RESF1: variants seen among roughly 807,000 people sequenced by gnomAD.
RESF1 encodes the protein gonad expressed transcript.
In RESF1, 65 loss-of-function variants were observed where a neutral mutation model predicts 134.7. That is an observed-to-expected ratio of 0.48 (90% CI 0.40 to 0.59). The LOEUF is 0.59. Ranked by LOEUF, RESF1 falls within the 20% of genes least tolerant of loss-of-function variation. The pLI is 0.00. For synonymous variants in RESF1, 762 were observed against 702.2 expected, an observed-to-expected ratio of 1.09 and a Z score of -1.35; for missense variants, 2,274 against 2,002.7, an observed-to-expected ratio of 1.14 and a Z score of -2.59.
At chr12:31,968,676 C>T (rs1939449281) in intron 2 of RESF1, among the ~76,000 whole-genome samples, 1 of 152,066 alleles carries the variant, frequency 6.6e-6, no homozygotes, top group South Asian at 2.1e-4. Flanking sequence ...TCTCGATCTC[C>T]TGACCTCGTG....
intron 3 of RESF1, among the ~76,000 whole-genome samples, chr12:31,974,000 A>G (rs751901400): frequency 6.6e-6 from 1 of 152,130 alleles, no homozygotes; most frequent in Non-Finnish European, 1.5e-5. Context: ...AACCTGTTAC[A>G]AAGAGGGGAT....
At position 31,981,508 on chromosome 12, in the gene RESF1, G is replaced by A. The variant is rs1939791295; in HGVS notation, c.553G>A (p.Gly185Arg). The change falls in exon 4 of 6, where the codon GGA (glycine) becomes AGA (arginine). Residue 185 changes from glycine to arginine, a missense_variant. By Grantham distance (125) the Gly-to-Arg change is moderately radical. Coordinates refer to ENST00000312561, the MANE Select transcript of RESF1 (RefSeq NM_018169.4). ...RLPVAYQGNQ[G>R]LNQSFSEQQV... Reference sequence around the variant, plus strand: ...TCCTGTAGCTTACCAAGGAAATCAGGGACTTAACCAGTCTTTTTCAGAGCA... The same window carrying A: ...TCCTGTAGCTTACCAAGGAAATCAGAGACTTAACCAGTCTTTTTCAGAGCA... 1 of 1,613,784 alleles carries A rather than the reference G, an allele frequency of 6.2e-7. No homozygotes were observed. The highest frequency in any genetic ancestry group is 1.7e-5 in the Admixed American group (1 of 59,984).
intron 5 of RESF1, 38 bp downstream of exon 5, chr12:31,987,360 C>A: frequency 1.8e-6 from 2 of 1,119,114 alleles, no homozygotes; most frequent in Non-Finnish European, 2.7e-6. Context: ...CACTTATCTC[C>A]CTATCTGGTA....
intron 2 of RESF1, among the ~76,000 whole-genome samples, chr12:31,965,060 G>A (rs1939367320): frequency 1.3e-5 from 2 of 151,960 alleles, no homozygotes; most frequent in Admixed American, 6.6e-5. Flanking sequence ...CTCCGCTTCC[G>A]ATTCTTCTGC....
At chr12:31,987,121 TGTG>T (rs1939990607) in intron 4 of RESF1, 115 bp from the exon 5 acceptor site, 3 of 609,852 alleles carry the variant, frequency 4.9e-6, no homozygotes, top group Non-Finnish European at 8.8e-6. Context: ...TTGTGTTACA[TGTG>T]GTTATATCTA....
chr12:31,979,087 A>AT (rs1939709107), intron 3 of RESF1, among the ~76,000 whole-genome samples: 1 of 149,462 alleles, frequency 6.7e-6, no homozygotes, highest in Admixed American at 6.7e-5. Context: ...CACCTGGCTA[A>AT]TTTTTTGTAT....
chr12:31,987,719 C>CTATTTATT (rs72099377), intron 5 of RESF1, among the ~76,000 whole-genome samples: 72 of 147,864 alleles, frequency 4.9e-4, no homozygotes, highest in Non-Finnish European at 6.4e-4. Flanking sequence ...TTCTGATTAA[C>CTATTTATT]TATTTATTTA....
At chr12:31,974,867 G>A (rs1377211769) in intron 3 of RESF1, among the ~76,000 whole-genome samples, 1 of 151,730 alleles carries the variant, frequency 6.6e-6, no homozygotes, top group East Asian at 1.9e-4. Context: ...AAAGTAGTGA[G>A]AGGAACAGAG....
Position 31,983,048 on chromosome 12 carries a change from C to T in RESF1, c.2093C>T (p.Thr698Ile). ...GAAAAGGAGTGTGATAAACTCAGAA[C>T]AAACACAACAGCAGTTGGAATTTCA... is the stretch of plus-strand genomic sequence containing the variant. ...AKEKECDKLR[T>I]NTTAVGISKP... Residue 698 changes from threonine to isoleucine, a missense_variant, in exon 4 of 6, where the codon ACA becomes ATA. Transcript: ENST00000312561. 6.2e-7 allele frequency: 1 copy of T among 1,613,960 alleles called. No individual in the cohort carries two copies. Among genetic ancestry groups the T allele is most frequent in the Non-Finnish European group, 8.5e-7 (1 of 1,180,004 alleles).
Position 31,963,932 on chromosome 12 carries a change from A to G in RESF1, c.-247+3061A>G, listed in dbSNP as rs79166176. On this transcript the variant is annotated intron_variant, in intron 2 of 5. Transcript: ENST00000312561. ...TGCCACTTTTGCTTATTCTTCCATC[A>G]GTTAACAGACGTTTGACACGTTTTC... is the stretch of plus-strand genomic sequence containing the variant. Among the ~76,000 whole-genome samples the G allele has an allele frequency of 5.4e-3, 824 of 152,292 alleles. 9 individuals are homozygous for G. The highest frequency in any genetic ancestry group is 0.018 in the African/African-American group (764 of 41,548).
chr12:31,968,989 G>C (rs914124695), intron 2 of RESF1, among the ~76,000 whole-genome samples: 2 of 152,094 alleles, frequency 1.3e-5, no homozygotes, highest in African/African-American at 4.8e-5. Flanking sequence ...CATCCAGGCT[G>C]GAGTACAGTG....
chr12:31,960,594 A>G (rs1403365103), intron 1 of RESF1, among the ~76,000 whole-genome samples, 183 bp from the exon 2 acceptor site: 1 of 152,216 alleles, frequency 6.6e-6, no homozygotes, highest in East Asian at 1.9e-4. Context: ...ACTTAAGTGA[A>G]TGGTATTTTC....
intron 3 of RESF1, among the ~76,000 whole-genome samples, chr12:31,972,010 G>A (rs994732229): frequency 3.9e-5 from 6 of 152,144 alleles, no homozygotes; most frequent in South Asian, 2.1e-4. Flanking sequence ...CCATAAAACC[G>A]GAAAGGATAG....
chr12:31,980,471 C>G (rs1245340006), intron 3 of RESF1, among the ~76,000 whole-genome samples: 1 of 152,150 alleles, frequency 6.6e-6, no homozygotes, highest in South Asian at 2.1e-4. Context: ...GGAGTTTAGA[C>G]TTTGCGAATG....
At chr12:31,989,169 G>A (rs1940041381) in intron 5 of RESF1, among the ~76,000 whole-genome samples, 1 of 151,058 alleles carries the variant, frequency 6.6e-6, no homozygotes, top group African/African-American at 2.4e-5. Context: ...GGCCGAGGCA[G>A]GCGGATCATG....
intron 2 of RESF1, among the ~76,000 whole-genome samples, chr12:31,966,264 G>A (rs1592250359): frequency 6.6e-6 from 1 of 152,290 alleles, no homozygotes; most frequent in East Asian, 1.9e-4. Flanking sequence ...CATGGGCCGC[G>A]GATTGGACAA....
Position 31,982,788 on chromosome 12 carries a change from A to G in RESF1, c.1833A>G (p.Pro611=), listed in dbSNP as rs761099804. ...DANQTIQDSK[P]DSCEMNPNTQ... The stretch of plus-strand genomic sequence containing the variant: ...ATCAAACTATTCAGGATTCTAAACC[A>G]GACAGTTGTGAAATGAATCCAAATA... Residue 611 remains proline, a synonymous_variant, in exon 4 of 6, where the codon CCA becomes CCG. Coordinates refer to ENST00000312561, the MANE Select transcript of RESF1 (RefSeq NM_018169.4). 1 of 1,614,186 alleles carries G rather than the reference A, an allele frequency of 6.2e-7. No homozygotes were observed. The highest frequency in any genetic ancestry group is 1.1e-5 in the South Asian group (1 of 91,080).
At chr12:31,992,356 G>A (rs1279205327) in intron 5 of RESF1, 22 bp from the exon 6 acceptor site, 2 of 1,579,168 alleles carry the variant, frequency 1.3e-6, no homozygotes, top group South Asian at 1.1e-5. Flanking sequence ...AATAAAGTAA[G>A]TAAAGTTTTT....
At chr12:31,972,264 C>G (rs1014773457) in intron 3 of RESF1, among the ~76,000 whole-genome samples, 1 of 151,794 alleles carries the variant, frequency 6.6e-6, no homozygotes, top group African/African-American at 2.4e-5. Context: ...GCTGGTCGGT[C>G]GGAAGCACAG....
Sources: allele counts gnomAD v4.1 joint callset (sites outside exome capture counted in the v4.1 genomes callset), GRCh38; gene constraint gnomAD v4.1.1; transcripts MANE v1.5; gene names NCBI Gene and HGNC (gene_info 2026-07-23, HGNC 2026-07-21).